Variants in MAP2K5 observed in about 807,000 individuals in gnomAD.
MAP2K5 encodes dual specificity mitogen-activated protein kinase kinase 5.
In MAP2K5, 49 loss-of-function variants were observed where a neutral mutation model predicts 83.1. The observed-to-expected ratio is 0.59, with a 90% CI of 0.47 to 0.75. The LOEUF (loss-of-function observed/expected upper bound fraction) is 0.75. MAP2K5 is among the 30% of genes least tolerant of loss of function. MAP2K5 has a pLI of 0.00. For synonymous variants in MAP2K5, 202 were observed against 191.8 expected (o/e 1.05, Z -0.44); for missense variants, 457 against 557.5 (o/e 0.82, Z 1.82).
intron 13 of MAP2K5, among the ~76,000 whole-genome samples, chr15:67,681,434 A>G (rs2087814156): frequency 6.6e-6 from 1 of 152,240 alleles, no homozygotes; most frequent in African/African-American, 2.4e-5. Context: ...GGCACCTTCC[A>G]GGGCATCACT....
At chr15:67,579,767 T>C (rs1218107370) in intron 3 of MAP2K5, among the ~76,000 whole-genome samples, 3 of 152,138 alleles carry the variant, frequency 2.0e-5, no homozygotes, top group Non-Finnish European at 2.9e-5. Flanking sequence ...ATATGTGATA[T>C]CTTCTAAAAA....
chr15:67,651,603 T>C (rs1011086852), intron 11 of MAP2K5, among the ~76,000 whole-genome samples: 1 of 152,234 alleles, frequency 6.6e-6, no homozygotes, highest in Admixed American at 6.5e-5. Context: ...GGCTCCCACA[T>C]GTGAGTGAGA....
rs184958387 is a variant in MAP2K5, at chr15:67,714,739, T to G, written c.1044+11331T>G. 8.5e-5 allele frequency among the ~76,000 whole-genome samples: 13 copies of G among 152,324 alleles called. No homozygotes were observed. The East Asian group carries it at 2.5e-3, about 29-fold the overall frequency. On this transcript the variant is annotated intron_variant, in intron 16 of 21. Transcript: ENST00000178640. The stretch of plus-strand genomic sequence containing the variant: ...TAACCTGAAAGCCCAAAATTTGAAG[T>G]ACTCCCAAATTCGAAATTTTTTGAG...
intron 17 of MAP2K5, among the ~76,000 whole-genome samples, chr15:67,729,552 C>T (rs1224470492): frequency 6.6e-6 from 1 of 151,758 alleles, no homozygotes; most frequent in African/African-American, 2.4e-5. Flanking sequence ...GGGCGGATCA[C>T]GAGGTCAGGA....
intron 7 of MAP2K5, among the ~76,000 whole-genome samples, chr15:67,596,954 G>A (rs1474191204): frequency 2.6e-5 from 4 of 152,138 alleles, no homozygotes; most frequent in South Asian, 4.2e-4. Flanking sequence ...GGCGGATCAC[G>A]AGGTCAGGAG....
intron 15 of MAP2K5, 94 bp downstream of exon 15, chr15:67,693,662 T>C (rs2088172059): frequency 1.1e-6 from 1 of 931,588 alleles, no homozygotes; most frequent in Non-Finnish European, 1.7e-6. Context: ...TCCACAGCTT[T>C]AGCCTAGCAG....
chr15:67,667,090 T>A (rs2087400074), intron 13 of MAP2K5, among the ~76,000 whole-genome samples: 1 of 152,092 alleles, frequency 6.6e-6, no homozygotes, highest in African/African-American at 2.4e-5. Context: ...CCCTGAAGAC[T>A]TTTGTAAAGC....
intron 21 of MAP2K5, among the ~76,000 whole-genome samples, chr15:67,797,548 A>G (rs534400564): frequency 2.6e-5 from 4 of 152,278 alleles, no homozygotes; most frequent in African/African-American, 9.6e-5. Flanking sequence ...TGACTGCCAA[A>G]TTGCTACCCT....
intron 9 of MAP2K5, 30 bp downstream of exon 9, chr15:67,630,957 T>A (rs1305906835): frequency 1.3e-6 from 2 of 1,542,490 alleles, no homozygotes; most frequent in Admixed American, 1.8e-5. Context: ...TATGAAATTC[T>A]TGATGTTCAC....
chr15:67,756,438 G>C (rs2089835356), intron 19 of MAP2K5, among the ~76,000 whole-genome samples: 1 of 151,806 alleles, frequency 6.6e-6, no homozygotes, highest in Non-Finnish European at 1.5e-5. Context: ...GGTGTACAAT[G>C]TGATGTTTTG....
chr15:67,586,026 C>A, intron 5 of MAP2K5, 96 bp downstream of exon 5: 3 of 1,083,416 alleles, frequency 2.8e-6, no homozygotes, highest in Non-Finnish European at 4.3e-6. Context: ...CTTTCTCAAG[C>A]TCTGACAAGC....
Position 67,782,490 on chromosome 15 carries a change from TTTAG to T in MAP2K5, c.1242+9742_1242+9745del, listed in dbSNP as rs755072870. ...GGCTAAATATTTCATACAGCCTGAT[TTTAG>T]TTAATTTTTTTTTCAGCGCCTCACA... On this transcript the variant is annotated intron_variant, in intron 21 of 21. Coordinates refer to ENST00000178640, the MANE Select transcript of MAP2K5 (RefSeq NM_145160.3). This position sits in a 1 kb window ranked among gnomAD's most constrained non-coding sequence, Gnocchi z 4.9. Among the ~76,000 whole-genome samples the T allele has an allele frequency of 1.2e-4, 18 of 152,178 alleles. No individual in the cohort carries two copies. Among genetic ancestry groups the T allele is most frequent in the Non-Finnish European group, 2.1e-4 (14 of 68,034 alleles).
rs1275407783 is a variant in MAP2K5 at position 67,624,955 on chromosome 15, G to C, written c.546-5933G>C. Among the ~76,000 whole-genome samples, 7 of 152,210 alleles carry C rather than the reference G, an allele frequency of 4.6e-5. No homozygotes were observed. The East Asian group carries it at 1.4e-3, about 29-fold the overall frequency. Reference sequence around the variant, plus strand: ...CAAACATCACCATCTATTTCCTTTAGGTCCTAAAATATGCATATTCTGTCG... The same window carrying C: ...CAAACATCACCATCTATTTCCTTTACGTCCTAAAATATGCATATTCTGTCG... On this transcript the variant is annotated intron_variant, in intron 8 of 21. Transcript: ENST00000178640.
At chr15:67,643,502 A>G (rs1250000978) in intron 9 of MAP2K5, among the ~76,000 whole-genome samples, 3 of 152,188 alleles carry the variant, frequency 2.0e-5, no homozygotes, top group African/African-American at 7.2e-5. Flanking sequence ...ACTGGTGTGC[A>G]GTGGCGTGAT....
At chr15:67,753,352 A>G in intron 19 of MAP2K5, among the ~76,000 whole-genome samples, 1 of 152,242 alleles carries the variant, frequency 6.6e-6, no homozygotes, top group East Asian at 1.9e-4. Flanking sequence ...CTTTATCAAA[A>G]TCAAAAACTT....
intron 13 of MAP2K5, among the ~76,000 whole-genome samples, chr15:67,673,521 T>C (rs1212872996): frequency 6.6e-6 from 1 of 152,186 alleles, no homozygotes; most frequent in African/African-American, 2.4e-5. Context: ...TTGAATTCCT[T>C]AGGAAAGAAA....
intron 19 of MAP2K5, among the ~76,000 whole-genome samples, chr15:67,763,540 C>T (rs1287890286): frequency 2.6e-5 from 4 of 152,150 alleles, no homozygotes; most frequent in African/African-American, 9.7e-5. Flanking sequence ...TTCCCAGAAT[C>T]TCACATTAGT....
At chr15:67,664,771 G>T in intron 13 of MAP2K5, 126 bp downstream of exon 13, 1 of 560,532 alleles carries the variant, frequency 1.8e-6, no homozygotes. Context: ...TCAAAAAGAT[G>T]GCTGCTCTAT....
Position 67,806,686 on chromosome 15 carries a change from C to T in MAP2K5, c.1283C>T (p.Ala428Val). The part of the protein sequence containing the change: ...FIVQFNDGNA[A>V]VVSMWVCRAL... ...GTGCAGTTCAATGATGGAAATGCCG[C>T]CGTGGTGTCCATGTGGGTGTGCCGG... is the stretch of plus-strand genomic sequence containing the variant. The change falls in exon 22 of 22, where the codon GCC (alanine) becomes GTC (valine). Residue 428 changes from alanine (A) to valine (V), a missense_variant. Ala to Val is a moderately conservative substitution (Grantham distance 64). Coordinates refer to ENST00000178640, the MANE Select transcript of MAP2K5 (RefSeq NM_145160.3). The T allele has an allele frequency of 6.4e-7, 1 of 1,551,610 alleles. No individual in the cohort carries two copies. The highest frequency in any genetic ancestry group is 8.7e-7 in the Non-Finnish European group (1 of 1,147,350).
Sources: gnomAD v4.1 joint callset for allele counts (sites outside exome capture counted in the v4.1 genomes callset) on GRCh38, gnomAD v4.1.1 for gene constraint, Gnocchi (gnomAD v3.1) non-coding constraint, MANE v1.5 for transcripts, NCBI Gene and HGNC (gene_info 2026-07-23, HGNC 2026-07-21) for gene names.